TSHZ2: variants seen among roughly 807,000 people sequenced by gnomAD.
The protein encoded by TSHZ2 is teashirt zinc finger homeobox 2, also known as teashirt homolog 2.
In TSHZ2, 21 loss-of-function variants were observed where a neutral mutation model predicts 74.4. The observed-to-expected ratio is 0.28, with a 90% CI of 0.20 to 0.41. The LOEUF (loss-of-function observed/expected upper bound fraction) is 0.41, where lower values mean the gene tolerates loss of function less well. Ranked by LOEUF, TSHZ2 falls within the 10% of genes least tolerant of loss-of-function variation. The probability of loss-of-function intolerance (pLI) is 1.00; values close to 1 mark genes in which losing one functional copy is unlikely to be tolerated. For missense variants in TSHZ2, 1,244 were observed against 1,293.5 expected, an observed-to-expected ratio of 0.96 and a Z score of 0.59; for synonymous variants, 540 against 515.3, an observed-to-expected ratio of 1.05 and a Z score of -0.65.
intron 1 of TSHZ2, among the ~76,000 whole-genome samples, chr20:52,986,206 A>G (rs1981749329): frequency 6.6e-6 from 1 of 151,468 alleles, no homozygotes; most frequent in Non-Finnish European, 1.5e-5. Flanking sequence ...CCTGACCAAC[A>G]TGGCGAAACC....
At chr20:53,459,386 C>CT (rs1221901182) in intron 2 of TSHZ2, among the ~76,000 whole-genome samples, 3 of 151,786 alleles carry the variant, frequency 2.0e-5, no homozygotes, top group South Asian at 2.1e-4. Flanking sequence ...CAACCCCTGC[C>CT]TTTTTTTGTT....
intron 1 of TSHZ2, among the ~76,000 whole-genome samples, chr20:53,034,136 A>G (rs1268130276): frequency 6.6e-6 from 1 of 152,180 alleles, no homozygotes; most frequent in Non-Finnish European, 1.5e-5. Flanking sequence ...TTACTAGTAA[A>G]TCAACACGTG....
At chr20:53,350,016 C>T (rs1453094654) in intron 2 of TSHZ2, among the ~76,000 whole-genome samples, 1 of 152,170 alleles carries the variant, frequency 6.6e-6, no homozygotes. Flanking sequence ...TGAATTACTC[C>T]AACCTCTTCT....
chr20:53,077,089 T>A (rs761811465), intron 1 of TSHZ2, among the ~76,000 whole-genome samples: 6 of 152,080 alleles, frequency 3.9e-5, no homozygotes, highest in Non-Finnish European at 7.4e-5. Context: ...GACACAAGTC[T>A]ATGAGCTTAG....
intron 2 of TSHZ2, among the ~76,000 whole-genome samples, chr20:53,286,611 A>G (rs2145447423): frequency 6.6e-6 from 1 of 152,290 alleles, no homozygotes; most frequent in South Asian, 2.1e-4. Context: ...AAAAACAGGC[A>G]CAGTAGCTCA....
At chr20:53,280,504 T>C (rs945317462) in intron 2 of TSHZ2, among the ~76,000 whole-genome samples, 3 of 152,156 alleles carry the variant, frequency 2.0e-5, no homozygotes, top group Non-Finnish European at 2.9e-5. Flanking sequence ...GGATCCAAAA[T>C]GAGAGGGGGA....
At chr20:53,269,586 T>G (rs1990789811) in intron 2 of TSHZ2, among the ~76,000 whole-genome samples, 1 of 151,800 alleles carries the variant, frequency 6.6e-6, no homozygotes, top group Non-Finnish European at 1.5e-5. Context: ...ATGATGGTGA[T>G]GAGGAGGAGG....
At chr20:53,036,767 T>C (rs564862338) in intron 1 of TSHZ2, among the ~76,000 whole-genome samples, 1 of 148,066 alleles carries the variant, frequency 6.8e-6, no homozygotes, top group Non-Finnish European at 1.5e-5. Context: ...TTACATAAAG[T>C]ATATATTATA....
chr20:53,410,237 C>T (rs1317431795), intron 2 of TSHZ2, among the ~76,000 whole-genome samples: 3 of 152,194 alleles, frequency 2.0e-5, no homozygotes, highest in Non-Finnish European at 2.9e-5. Flanking sequence ...CAGCTACCCT[C>T]CCTGACTTAC....
intron 1 of TSHZ2, among the ~76,000 whole-genome samples, chr20:52,994,857 C>T (rs182030173): frequency 1.2e-3 from 189 of 152,228 alleles, no homozygotes; most frequent in African/African-American, 4.1e-3. Flanking sequence ...TTAACATTTC[C>T]GAGAGTCCAC....
At chr20:53,156,946 G>A (rs1288167815) in intron 1 of TSHZ2, among the ~76,000 whole-genome samples, 1 of 152,182 alleles carries the variant, frequency 6.6e-6, no homozygotes, top group Non-Finnish European at 1.5e-5. Flanking sequence ...CCTAAGAGAA[G>A]TTAAGCAAGA....
intron 2 of TSHZ2, among the ~76,000 whole-genome samples, chr20:53,329,756 A>C (rs577680950): frequency 1.3e-5 from 2 of 152,322 alleles, no homozygotes; most frequent in Admixed American, 6.5e-5. Flanking sequence ...TCAGCTAAAA[A>C]CAGCAAGCAC....
At chr20:53,293,710 A>AC (rs2145464113) in intron 2 of TSHZ2, among the ~76,000 whole-genome samples, 1 of 148,400 alleles carries the variant, frequency 6.7e-6, no homozygotes, top group African/African-American at 2.6e-5. Flanking sequence ...CAAAAAAAAA[A>AC]AAAAAAAAGA....
At chr20:53,244,971 A>G (rs756337629) in intron 1 of TSHZ2, among the ~76,000 whole-genome samples, 2 of 152,200 alleles carry the variant, frequency 1.3e-5, no homozygotes, top group Non-Finnish European at 2.9e-5. Context: ...AATACCATCT[A>G]AAAGCTGTTG....
chr20:53,448,163 G>T (rs145784971), intron 2 of TSHZ2, among the ~76,000 whole-genome samples: 1 of 152,278 alleles, frequency 6.6e-6, no homozygotes, highest in African/African-American at 2.4e-5. Context: ...GCCCACCTCG[G>T]CCTCCTGGAA....
At chr20:53,122,761 G>T (rs1448630453) in intron 1 of TSHZ2, among the ~76,000 whole-genome samples, 2 of 152,146 alleles carry the variant, frequency 1.3e-5, no homozygotes, top group African/African-American at 4.8e-5. Context: ...GAATCCCTGG[G>T]ATGTTGGCTT....
intron 1 of TSHZ2, chr20:53,185,349 G>C (rs1002487190): frequency 8.7e-7 from 1 of 1,150,192 alleles, no homozygotes; most frequent in African/African-American, 1.6e-5. Flanking sequence ...CACAAAATCT[G>C]TTTGCTCCAA....
chr20:53,440,899 G>T (rs558089174), intron 2 of TSHZ2, among the ~76,000 whole-genome samples: 75 of 152,334 alleles, frequency 4.9e-4, no homozygotes, highest in African/African-American at 1.7e-3. Flanking sequence ...GCAGGTTTGG[G>T]CATCAGTATT....
At chr20:53,100,390 CATTAAT>C (rs1299721710) in intron 1 of TSHZ2, among the ~76,000 whole-genome samples, 1 of 152,114 alleles carries the variant, frequency 6.6e-6, no homozygotes. Flanking sequence ...TTCTTTCCCC[CATTAAT>C]ATTCAGAGCT....
Sources: gnomAD v4.1 joint callset for allele counts (sites outside exome capture counted in the v4.1 genomes callset) on GRCh38, gnomAD v4.1.1 for gene constraint, MANE v1.5 for transcripts, NCBI Gene and HGNC (gene_info 2026-07-23, HGNC 2026-07-21) for gene names.